DDX3X: variants seen among roughly 807,000 people sequenced by gnomAD.
The protein encoded by DDX3X is DEAD-box helicase 3 X-linked, also known as ATP-dependent RNA helicase DDX3X.
Under a neutral mutation model 52.7 loss-of-function variants are expected in DDX3X, and 4 were observed. The observed-to-expected ratio is 0.08, with a 90% CI of 0.04 to 0.17. The LOEUF (loss-of-function observed/expected upper bound fraction) is 0.17. DDX3X is among the 10% of genes least tolerant of loss of function. The probability of loss-of-function intolerance (pLI) is 1.00; values close to 1 mark genes in which losing one functional copy is unlikely to be tolerated. For missense variants in DDX3X, 222 were observed against 548.6 expected (o/e 0.40, Z 5.95); for synonymous variants, 192 against 178.1 (o/e 1.08, Z -0.62).
Position 41,350,213 on chromosome X carries a change from TTTG to T in DDX3X, c.*2502_*2504del, listed in dbSNP as rs752787065. The T allele has an allele frequency of 2.8e-4, 31 of 112,545 alleles. No homozygotes were observed. The highest frequency in any genetic ancestry group is 3.8e-4 in the Admixed American group (4 of 10,542). 9.3% of individuals were successfully genotyped at this position (112,545 alleles called of 1,213,427 possible). On this transcript the variant is annotated 3_prime_UTR_variant, in exon 17 of 17. Coordinates refer to ENST00000644876, the MANE Select transcript of DDX3X (RefSeq NM_001356.5). Reference sequence around the variant, plus strand: ...TAAAAAGTTGAACTGCACAGTCTCCTTTGTTGTTGTCAATTGTGGTTTATTTTC... The same window carrying T: ...TAAAAAGTTGAACTGCACAGTCTCCTTTGTTGTCAATTGTGGTTTATTTTC...
At chrX:41,355,525 T>TG (rs1020055324) in intron 5 of DDX3X, among the ~76,000 whole-genome samples, 10 of 110,940 alleles carry the variant, frequency 9.0e-5, no homozygotes, top group Non-Finnish European at 1.7e-4. Flanking sequence ...TGGAGTGCAG[T>TG]GGCCCTATCA....
At chrX:41,334,702 T>C in intron 1 of DDX3X, 7 of 1,002,196 alleles carry the variant, frequency 7.0e-6, no homozygotes, top group South Asian at 2.0e-5. Context: ...CCTTCACGGC[T>C]GGCGCAGCCT....
chrX:41,343,919 C>T lies in DDX3X; in HGVS notation c.765+97C>T, dbSNP rs1206605924. The T allele has an allele frequency of 3.0e-6, 3 of 1,006,422 alleles. No individual in the cohort carries two copies. The African/African-American group carries it at 5.8e-5, about 19-fold the overall frequency. The allele number at this position is 1,006,422 out of a possible 1,213,427, so 82.9% of individuals were successfully genotyped here. On this transcript the variant is annotated intron_variant, in intron 8 of 16. Coordinates refer to ENST00000644876, the MANE Select transcript of DDX3X (RefSeq NM_001356.5). ...TGCTAAGACTTAAGTAGAATGAAAA[C>T]CAGTTTTCAAGTGTAATCTGTAATC...
chrX:41,349,656 C>CG lies in DDX3X; in HGVS notation c.*1941dup, dbSNP rs1288068646. On this transcript the variant is annotated 3_prime_UTR_variant, in exon 17 of 17. Coordinates refer to ENST00000644876, the MANE Select transcript of DDX3X (RefSeq NM_001356.5). ...ACCGTATGCGTGAAATTATATATTT[C>CG]GGGGTAGTGTGAGCTTTTAATGTTT... 2.7e-5 allele frequency: 3 copies of CG among 112,010 alleles called. No homozygotes were observed. The highest frequency in any genetic ancestry group is 9.7e-5 in the African/African-American group (3 of 30,780). The allele number at this position is 112,010 out of a possible 1,213,427, so 9.2% of individuals were successfully genotyped here.
chrX:41,351,308 C>T (rs1445754223), downstream of DDX3X: 2 of 112,202 alleles, frequency 1.8e-5, no homozygotes, highest in Admixed American at 1.9e-4. Context: ...TGTTTACATA[C>T]TACATTAATG....
rs890613134 is a variant in DDX3X, at chrX:41,359,170, C to A, written c.655-5104C>A. Among the ~76,000 whole-genome samples the A allele has an allele frequency of 5.3e-5, 6 of 112,629 alleles. No individual in the cohort carries two copies. The East Asian group carries it at 8.3e-4, about 16-fold the overall frequency. ...TCTAAGAAACATGCTTTCTTGGAAG[C>A]AACACTGGGAAAACTAAGTGATTTC... On this transcript the variant is annotated intron_variant, in intron 5 of 5. Transcript: ENST00000616050.
chrX:41,357,803 A>C (rs191191051), intron 5 of DDX3X: 102 of 293,901 alleles, frequency 3.5e-4, no homozygotes, highest in African/African-American at 2.6e-3. Flanking sequence ...GTACTTCCTA[A>C]CATGGGATTC....
downstream of DDX3X, among the ~76,000 whole-genome samples, chrX:41,353,993 C>T (rs1342905865): frequency 2.7e-5 from 3 of 111,409 alleles, no homozygotes; most frequent in Admixed American, 2.9e-4. Context: ...GTTTTTGCTA[C>T]TGGTTGAAAT....
chrX:41,343,089 A>T (rs2063872945), intron 6 of DDX3X, 127 bp from the exon 7 acceptor site: 2 of 847,919 alleles, frequency 2.4e-6, no homozygotes, highest in Non-Finnish European at 3.3e-6. Context: ...CTCAAAGTAT[A>T]ATGTGATAAT....
intron 3 of DDX3X, 48 bp from the exon 4 acceptor site, chrX:41,341,436 C>T (rs1391486708): frequency 3.0e-5 from 32 of 1,062,515 alleles, no homozygotes; most frequent in Non-Finnish European, 4.1e-5. Context: ...TAACATGGTT[C>T]CTATTTCTAA....
chrX:41,363,523 C>T (rs1721685), intron 5 of DDX3X, among the ~76,000 whole-genome samples: 38,872 of 109,041 alleles, frequency 0.36, 5,222 homozygotes, highest in South Asian at 0.5. Flanking sequence ...GTGGCTCACA[C>T]CTGTAATCCC....
chrX:41,334,395 C>T lies in DDX3X; in HGVS notation c.45+98C>T, dbSNP rs1423721674. 5.2e-6 allele frequency: 6 copies of T among 1,144,117 alleles called. No individual in the cohort carries two copies. The Admixed American group carries it at 7.8e-5, about 15-fold the overall frequency. The allele number at this position is 1,144,117 out of a possible 1,213,427, so 94.3% of individuals were successfully genotyped here. ...AGCGCTAACCGGCACCCTTACTTTTCATTTTCTGGGTGCCCCGGGCTGGCG... is the reference window on the plus strand; with the variant it reads ...AGCGCTAACCGGCACCCTTACTTTTTATTTTCTGGGTGCCCCGGGCTGGCG... On this transcript the variant is annotated intron_variant, in intron 1 of 16. Coordinates refer to ENST00000644876, the MANE Select transcript of DDX3X (RefSeq NM_001356.5).
intron 5 of DDX3X, among the ~76,000 whole-genome samples, chrX:41,361,376 G>T (rs1208561748): frequency 9.1e-6 from 1 of 109,744 alleles, no homozygotes; most frequent in African/African-American, 3.3e-5. Flanking sequence ...GCCGGGTGTG[G>T]TGGCTGGCAC....
In DDX3X at chrX:41,341,160, T is replaced by C. The variant is rs933832372; in HGVS notation, c.152-324T>C. The C allele has an allele frequency of 7.3e-5, 12 of 165,190 alleles. No individual in the cohort carries two copies. In the East Asian group the frequency reaches 1.5e-3, roughly 21 times the overall value. 13.6% of individuals were successfully genotyped at this position (165,190 alleles called of 1,213,427 possible). On this transcript the variant is annotated intron_variant, in intron 3 of 16. Coordinates refer to ENST00000644876, the MANE Select transcript of DDX3X (RefSeq NM_001356.5). ...GCCACCACGCCTGGCTAATATTGTA[T>C]ATGTAGTAGAGACGGGGTTTCTCCA...
intron 1 of DDX3X, chrX:41,335,872 C>T (rs778854845): frequency 2.7e-5 from 3 of 111,928 alleles, no homozygotes; most frequent in South Asian, 3.7e-4. Context: ...GCTATAGTGT[C>T]CTTTTAAGGA....
At chrX:41,362,182 G>C (rs1294039798) in intron 5 of DDX3X, among the ~76,000 whole-genome samples, 2 of 104,552 alleles carry the variant, frequency 1.9e-5, no homozygotes, top group Non-Finnish European at 3.9e-5. Context: ...TCTGCCTCCT[G>C]GGTTCAAGCA....
chrX:41,343,147 T>G, intron 6 of DDX3X, 69 bp from the exon 7 acceptor site: 5 of 1,106,461 alleles, frequency 4.5e-6, no homozygotes, highest in South Asian at 2.0e-5. Flanking sequence ...TGGTTGGTTG[T>G]TTCCATTATT....
At chrX:41,357,919 A>T in intron 5 of DDX3X, 1 of 296,946 alleles carries the variant, frequency 3.4e-6, no homozygotes. Context: ...GGAGTCCAGC[A>T]TGTAGTCATG....
At chrX:41,356,929 CTTTTTTTT>C (rs35577255) in intron 5 of DDX3X, among the ~76,000 whole-genome samples, 1 of 55,912 alleles carries the variant, frequency 1.8e-5, no homozygotes, top group Non-Finnish European at 3.0e-5. Context: ...CACACTAATT[CTTTTTTTT>C]TTTTTTTTTT....
Sources: allele counts gnomAD v4.1 joint callset (sites outside exome capture counted in the v4.1 genomes callset), GRCh38; gene constraint gnomAD v4.1.1; transcripts MANE v1.5; gene names NCBI Gene and HGNC (gene_info 2026-07-23, HGNC 2026-07-21).